CTNNA1: variants seen among roughly 807,000 people sequenced by gnomAD.
The protein encoded by CTNNA1 is catenin alpha 1.
In CTNNA1, 37 loss-of-function variants were observed where a neutral mutation model predicts 98.4. That is an observed-to-expected ratio of 0.38 (90% CI 0.29 to 0.49). The LOEUF is 0.49. Ranked by LOEUF, CTNNA1 falls within the 20% of genes least tolerant of loss-of-function variation. The pLI is 0.95. For synonymous variants in CTNNA1, 404 were observed against 413.2 expected (o/e 0.98, Z 0.27); for missense variants, 761 against 1,147.2 (o/e 0.66, Z 4.86).
intron 7 of CTNNA1, chr5:138,872,998 G>A: frequency 6.4e-7 from 1 of 1,553,156 alleles, no homozygotes; most frequent in South Asian, 1.2e-5. Flanking sequence ...GATTTTTGAT[G>A]ATGGGTAGAT....
intron 1 of CTNNA1, among the ~76,000 whole-genome samples, chr5:138,766,592 G>A (rs1580883010): frequency 6.6e-6 from 1 of 152,100 alleles, no homozygotes; most frequent in East Asian, 1.9e-4. Context: ...GGTTAGTAGG[G>A]TGAGTGAGGT....
intron 2 of CTNNA1, among the ~76,000 whole-genome samples, chr5:138,782,974 CTG>C (rs1755294803): frequency 6.6e-6 from 1 of 152,102 alleles, no homozygotes; most frequent in African/African-American, 2.4e-5. Context: ...AAATAATTCT[CTG>C]TACACATTAA....
chr5:138,932,432 A>G, intron 16 of CTNNA1, 146 bp from the exon 17 acceptor site: 1 of 1,456,464 alleles, frequency 6.9e-7, no homozygotes, highest in Non-Finnish European at 9.1e-7. Flanking sequence ...AAGGGCTGTG[A>G]CTGCCTCAGG....
chr5:138,829,745 T>C (rs148579971), intron 7 of CTNNA1, among the ~76,000 whole-genome samples: 8 of 152,308 alleles, frequency 5.3e-5, no homozygotes, highest in Admixed American at 1.3e-4. Flanking sequence ...TTGAGTATTA[T>C]GGTAGGGATC....
chr5:138,770,178 A>G (rs1186005284), intron 1 of CTNNA1, among the ~76,000 whole-genome samples: 1 of 152,212 alleles, frequency 6.6e-6, no homozygotes, highest in East Asian at 1.9e-4. Context: ...CAAGGAAGTC[A>G]GTTCGGTCCA....
chr5:138,862,830 A>T (rs1393560956), intron 7 of CTNNA1, among the ~76,000 whole-genome samples: 2 of 152,232 alleles, frequency 1.3e-5, no homozygotes, highest in Non-Finnish European at 2.9e-5. Flanking sequence ...ACTAGAAAGT[A>T]GGGTTTTAGG....
At position 138,934,946 on chromosome 5, in the gene CTNNA1, T is replaced by TATC. The variant is rs1561790669; in HGVS notation, c.*859_*861dup. On this transcript the variant is annotated 3_prime_UTR_variant, in exon 18 of 18. Transcript: ENST00000302763. Reference sequence around the variant, plus strand: ...CTATTAACTACAAGGTATAATTTACTATCACCTTATTTAAATTTTATGAAT... The same window carrying TATC: ...CTATTAACTACAAGGTATAATTTACTATCATCACCTTATTTAAATTTTATGAAT... The TATC allele has an allele frequency of 2.0e-5, 3 of 152,610 alleles. No homozygotes were observed. The highest frequency in any genetic ancestry group is 7.2e-5 in the African/African-American group (3 of 41,590). 9.5% of individuals were successfully genotyped at this position (152,610 alleles called of 1,614,324 possible).
At chr5:138,913,439 C>T (rs773761188) in intron 10 of CTNNA1, among the ~76,000 whole-genome samples, 59 of 152,020 alleles carry the variant, frequency 3.9e-4, no homozygotes, top group Admixed American at 1.9e-3. Context: ...CAAAAATTAG[C>T]CAGGTGTGGT....
At chr5:138,904,532 T>G in intron 10 of CTNNA1, 91 bp downstream of exon 10, 1 of 1,478,076 alleles carries the variant, frequency 6.8e-7, no homozygotes. Context: ...TTTGTTTTGT[T>G]TTTAGGATTT....
At chr5:138,847,405 T>A (rs1490885518) in intron 7 of CTNNA1, among the ~76,000 whole-genome samples, 1 of 152,170 alleles carries the variant, frequency 6.6e-6, no homozygotes, top group African/African-American at 2.4e-5. Flanking sequence ...GCTCAAGTGA[T>A]CCTCCTGCCT....
intron 5 of CTNNA1, among the ~76,000 whole-genome samples, chr5:138,820,447 G>T (rs1368152596): frequency 6.6e-6 from 1 of 152,142 alleles, no homozygotes; most frequent in Non-Finnish European, 1.5e-5. Context: ...CCTCAGCTGG[G>T]CCTAGTGCCT....
intron 15 of CTNNA1, 87 bp from the exon 16 acceptor site, chr5:138,930,743 A>G: frequency 6.5e-7 from 1 of 1,540,492 alleles, no homozygotes; most frequent in Non-Finnish European, 9.0e-7. Flanking sequence ...AGCCCAGGCC[A>G]TGGGGCTTTG....
At chr5:138,930,379 G>A in intron 14 of CTNNA1, 94 bp from the exon 15 acceptor site, 2 of 884,136 alleles carry the variant, frequency 2.3e-6, no homozygotes, top group Non-Finnish European at 3.6e-6. Context: ...TCCTACCTAT[G>A]CCACAGATTG....
chr5:138,805,262 T>A (rs1757968351), intron 3 of CTNNA1, among the ~76,000 whole-genome samples: 1 of 152,130 alleles, frequency 6.6e-6, no homozygotes, highest in African/African-American at 2.4e-5. Context: ...AGGACACAGA[T>A]CCAAACCATA....
intron 7 of CTNNA1, among the ~76,000 whole-genome samples, chr5:138,845,210 C>T (rs1490745334): frequency 6.6e-6 from 1 of 152,180 alleles, no homozygotes; most frequent in Non-Finnish European, 1.5e-5. Flanking sequence ...CGAAAATGAG[C>T]TGCTAAAGTA....
chr5:138,918,675 C>T (rs1027376995), intron 11 of CTNNA1, among the ~76,000 whole-genome samples: 7 of 152,176 alleles, frequency 4.6e-5, no homozygotes, highest in Non-Finnish European at 8.8e-5. Flanking sequence ...AGATAAATTT[C>T]AATCCCATCT....
At chr5:138,859,178 G>A (rs1407197800) in intron 7 of CTNNA1, among the ~76,000 whole-genome samples, 1 of 152,192 alleles carries the variant, frequency 6.6e-6, no homozygotes, top group Non-Finnish European at 1.5e-5. Context: ...TCATTTTCAT[G>A]AATTAAGCTG....
At chr5:138,805,470 T>A (rs1000369931) in intron 3 of CTNNA1, among the ~76,000 whole-genome samples, 6 of 152,194 alleles carry the variant, frequency 3.9e-5, no homozygotes, top group African/African-American at 1.4e-4. Flanking sequence ...CAAAGTGATA[T>A]CTTTGTGTGG....
At chr5:138,925,054 A>G (rs1020081689) in intron 12 of CTNNA1, among the ~76,000 whole-genome samples, 6 of 152,186 alleles carry the variant, frequency 3.9e-5, no homozygotes, top group African/African-American at 7.2e-5. Context: ...CAACCATCCA[A>G]TCTCTGTTGC....
Sources: allele counts gnomAD v4.1 joint callset (sites outside exome capture counted in the v4.1 genomes callset), GRCh38; gene constraint gnomAD v4.1.1; transcripts MANE v1.5; gene names NCBI Gene and HGNC (gene_info 2026-07-23, HGNC 2026-07-21).